Variants in FANCL observed in about 807,000 individuals in gnomAD.
FANCL encodes the protein FA complementation group L.
Under a neutral mutation model 59.4 loss-of-function variants are expected in FANCL, and 69 were observed. The observed-to-expected ratio is 1.16, with a 90% CI of 0.96 to 1.42. The LOEUF is 1.42. FANCL is among the 40% of genes most tolerant of loss of function. The probability of loss-of-function intolerance (pLI) is 0.00; values close to 1 mark genes in which losing one functional copy is unlikely to be tolerated. For missense variants in FANCL, 519 were observed against 447.2 expected (o/e 1.16, Z -1.45); for synonymous variants, 180 against 147.1 (o/e 1.22, Z -1.62).
chr2:58,211,624 C>T (rs1473966896), intron 5 of FANCL, among the ~76,000 whole-genome samples: 2 of 152,180 alleles, frequency 1.3e-5, no homozygotes, highest in East Asian at 3.8e-4. Flanking sequence ...TTATTTTATG[C>T]TGTTTCCCTT....
At chr2:58,232,166 G>T in intron 1 of FANCL, 54 bp from the exon 2 acceptor site, 2 of 1,406,514 alleles carry the variant, frequency 1.4e-6, no homozygotes, top group South Asian at 1.2e-5. Context: ...ACTTAATGCT[G>T]AGAAGTTAAA....
In FANCL at chr2:58,202,231, C is replaced by T. The variant is rs144280273; in HGVS notation, c.471+1899G>A. 3.5e-3 allele frequency among the ~76,000 whole-genome samples: 357 copies of T among 100,704 alleles called. 2 individuals carry two copies. The highest frequency in any genetic ancestry group is 0.015 in the African/African-American group (324 of 21,584). 66.1% of individuals were successfully genotyped at this position (100,704 alleles called of 152,430 possible). ...CTGGTGGTTTTATATATACCTATAC[C>T]TTTTTCCTAAAAAAAAAAAAAAAAA... On this transcript the variant is annotated intron_variant, in intron 6 of 13. Transcript: ENST00000233741.
At position 58,219,620 on chromosome 2, in the gene FANCL, T is replaced by C. The variant is rs994870140; in HGVS notation, c.374+2322A>G. ...AGTGATGAGTCACAGAGATAACATG[T>C]ACCCTTGATATGAAGAGAAGAATCA... On this transcript the variant is annotated intron_variant, in intron 5 of 13. Coordinates refer to ENST00000233741, the MANE Select transcript of FANCL (RefSeq NM_018062.4). Among the ~76,000 whole-genome samples, 4 of 152,024 alleles carry C rather than the reference T, an allele frequency of 2.6e-5. No individual in the cohort carries two copies. The East Asian group carries it at 7.7e-4, about 29-fold the overall frequency.
At chr2:58,178,935 A>G (rs1041019242) in intron 7 of FANCL, among the ~76,000 whole-genome samples, 1 of 152,186 alleles carries the variant, frequency 6.6e-6, no homozygotes. Context: ...TTATACACCA[A>G]TAACAGACAA....
intron 5 of FANCL, among the ~76,000 whole-genome samples, chr2:58,215,035 G>A (rs759025839): frequency 6.6e-6 from 1 of 152,116 alleles, no homozygotes; most frequent in Admixed American, 6.6e-5. Context: ...AATAAAACTA[G>A]AACATTTCCT....
Position 58,159,636 on chromosome 2 carries a change from T to C in FANCL, c.*129A>G, listed in dbSNP as rs757501573. ...AGACAAACGCAGATGTTTATTATTA[T>C]CGCATCATCATACCTGTCCTTTTGA... On this transcript the variant is annotated 3_prime_UTR_variant, in exon 14 of 14. Transcript: ENST00000233741. The C allele has an allele frequency of 8.1e-6, 13 of 1,613,700 alleles. No individual in the cohort carries two copies. Among genetic ancestry groups the C allele is most frequent in the Non-Finnish European group, 2.5e-6 (3 of 1,179,798 alleles).
rs376515275 is a variant in FANCL, at chr2:58,226,196, T to C, written c.273+532A>G. 3.2e-4 allele frequency among the ~76,000 whole-genome samples: 49 copies of C among 152,292 alleles called. No individual in the cohort carries two copies. The South Asian group carries it at 9.5e-3, about 30-fold the overall frequency. On this transcript the variant is annotated intron_variant, in intron 4 of 13. Coordinates refer to ENST00000233741, the MANE Select transcript of FANCL (RefSeq NM_018062.4). ...ATTCACTATAATCTTCCCTCTTCTT[T>C]TGTTTATGTTGAAAACTTGGGTAAT... is the stretch of plus-strand genomic sequence containing the variant.
At chr2:58,189,362 T>A (rs534409602) in intron 7 of FANCL, among the ~76,000 whole-genome samples, 1 of 152,216 alleles carries the variant, frequency 6.6e-6, no homozygotes, top group East Asian at 1.9e-4. Flanking sequence ...CAGCTTCTCG[T>A]TAGTTTTCTC....
At chr2:58,208,448 A>ATGTTTTTGTTGTTGTCCCTGTTAATAGC (rs1690804507) in intron 5 of FANCL, among the ~76,000 whole-genome samples, 1 of 152,220 alleles carries the variant, frequency 6.6e-6, no homozygotes, top group Non-Finnish European at 1.5e-5. Flanking sequence ...AGCTTCAGGG[A>ATGTTTTTGTTGTTGTCCCTGTTAATAGC]TGTTTTTGTT....
At chr2:58,186,894 A>G (rs184859259) in intron 7 of FANCL, among the ~76,000 whole-genome samples, 614 of 152,272 alleles carry the variant, frequency 4.0e-3, no homozygotes, top group Non-Finnish European at 6.9e-3. Context: ...TTAGAATGGC[A>G]ATCATTAAAA....
At chr2:58,184,075 GC>G (rs1688177184) in intron 7 of FANCL, among the ~76,000 whole-genome samples, 1 of 151,948 alleles carries the variant, frequency 6.6e-6, no homozygotes, top group Admixed American at 6.6e-5. Context: ...AGTAGGTATT[GC>G]TTTCCCCTTA....
Position 58,165,747 on chromosome 2 carries a change from G to C in FANCL, c.668C>G (p.Ala223Gly). Residue 223 changes from alanine (A) to glycine (G), a missense_variant, in exon 8 of 14, where the codon GCA (alanine) becomes GGA (glycine). Coordinates refer to ENST00000233741, the MANE Select transcript of FANCL (RefSeq NM_018062.4). ...VLEPEKPPRS[A>G]TARRIALGNN... ...ACCTAATGCAATTCTGCGTGCTGTTGCACTCCGTGGAGGTTTTTCTGGCTC... is the reference window on the plus strand; with the variant it reads ...ACCTAATGCAATTCTGCGTGCTGTTCCACTCCGTGGAGGTTTTTCTGGCTC... The C allele has an allele frequency of 6.2e-7, 1 of 1,614,074 alleles. No homozygotes were observed. Among genetic ancestry groups the C allele is most frequent in the African/African-American group, 1.3e-5 (1 of 75,026 alleles).
chr2:58,161,387 C>A, intron 12 of FANCL, 135 bp downstream of exon 12: 1 of 708,132 alleles, frequency 1.4e-6, no homozygotes, highest in South Asian at 1.5e-5. Context: ...CTGGAATAAA[C>A]TGGTAAAAGG....
intron 7 of FANCL, among the ~76,000 whole-genome samples, chr2:58,195,276 G>A (rs901057465): frequency 6.6e-6 from 1 of 152,022 alleles, no homozygotes; most frequent in Non-Finnish European, 1.5e-5. Flanking sequence ...CACACTGCTG[G>A]TACCATCCAA....
intron 7 of FANCL, among the ~76,000 whole-genome samples, chr2:58,189,969 G>A (rs1161300475): frequency 6.6e-6 from 1 of 151,370 alleles, no homozygotes; most frequent in Non-Finnish European, 1.5e-5. Context: ...AGTATAAATA[G>A]AATAAGAGAA....
At chr2:58,170,830 TA>T (rs1686526725) in intron 7 of FANCL, among the ~76,000 whole-genome samples, 1 of 152,118 alleles carries the variant, frequency 6.6e-6, no homozygotes, top group Admixed American at 6.5e-5. Flanking sequence ...CTAACAATCC[TA>T]AATGTATATG....
At chr2:58,177,602 A>C (rs957598823) in intron 7 of FANCL, among the ~76,000 whole-genome samples, 6 of 117,922 alleles carry the variant, frequency 5.1e-5, no homozygotes, top group Non-Finnish European at 8.2e-5. Flanking sequence ...GGACACAGGA[A>C]GGGGAACATC....
intron 7 of FANCL, among the ~76,000 whole-genome samples, chr2:58,180,548 G>A (rs1030083556): frequency 6.6e-6 from 1 of 151,932 alleles, no homozygotes; most frequent in African/African-American, 2.4e-5. Flanking sequence ...CACACACCAG[G>A]GCCTGTCGGG....
At chr2:58,168,649 T>C (rs913385186) in intron 7 of FANCL, among the ~76,000 whole-genome samples, 1 of 152,140 alleles carries the variant, frequency 6.6e-6, no homozygotes, top group Non-Finnish European at 1.5e-5. Context: ...CCAAGTGGTC[T>C]ATCTCAGTGG....
Sources: gnomAD v4.1 joint callset for allele counts (sites outside exome capture counted in the v4.1 genomes callset) on GRCh38, gnomAD v4.1.1 for gene constraint, MANE v1.5 for transcripts, NCBI Gene and HGNC (gene_info 2026-07-23, HGNC 2026-07-21) for gene names.